The following EXOC2 variants were observed in gnomAD, a reference collection of about 807,000 sequenced individuals.
EXOC2 encodes SEC5-like 1.
A neutral mutation model predicts 131.8 loss-of-function variants in EXOC2; 70 were observed. That is an observed-to-expected ratio of 0.53 (90% CI 0.44 to 0.65). The LOEUF (loss-of-function observed/expected upper bound fraction) is 0.65. Among genes scored for constraint, EXOC2 ranks in the 30% least tolerant of loss-of-function variants. The pLI, the probability that EXOC2 is intolerant of heterozygous loss-of-function variation, is 0.00. For synonymous variants in EXOC2, 411 were observed against 398.4 expected (o/e 1.03, Z -0.38); for missense variants, 923 against 1,108.6 (o/e 0.83, Z 2.38).
chr6:668,609 T>C (rs1763720158), intron 1 of EXOC2, among the ~76,000 whole-genome samples: 1 of 152,166 alleles, frequency 6.6e-6, no homozygotes, highest in Admixed American at 6.5e-5. Flanking sequence ...CAGCCCCAGG[T>C]TGGATTAATC....
At chr6:486,949 G>A (rs1763102763) in intron 27 of EXOC2, among the ~76,000 whole-genome samples, 185 bp from the exon 28 acceptor site, 1 of 152,008 alleles carries the variant, frequency 6.6e-6, no homozygotes. Context: ...GATCAAATAG[G>A]ATATACTGAT....
rs947055958 is a variant in EXOC2, at chr6:499,504, G to A, written c.2436+141C>T. The A allele has an allele frequency of 8.3e-5, 53 of 635,268 alleles. 1 individual carries two copies. In the African/African-American group the frequency reaches 9.6e-4, roughly 11 times the overall value. The allele number at this position is 635,268 out of a possible 1,614,324, so 39.4% of individuals were successfully genotyped here. On this transcript the variant is annotated intron_variant, in intron 24 of 27. Transcript: ENST00000230449. The stretch of plus-strand genomic sequence containing the variant: ...AGAGAGAGACAGACAGTGCGAGCAA[G>A]AGCTGAACTGTATCTTATTTATACC...
At chr6:603,284 T>C (rs1760202353) in intron 7 of EXOC2, among the ~76,000 whole-genome samples, 2 of 152,172 alleles carry the variant, frequency 1.3e-5, no homozygotes. Context: ...AACCCTAAAA[T>C]GTACAAATTC....
At chr6:495,593 A>G (rs1763682700) in intron 25 of EXOC2, among the ~76,000 whole-genome samples, 1 of 152,202 alleles carries the variant, frequency 6.6e-6, no homozygotes, top group Non-Finnish European at 1.5e-5. Context: ...GTGTATGTTT[A>G]GCTTGAGAAG....
In EXOC2 at chr6:537,058, A is replaced by AG. The variant is rs144434935; in HGVS notation, c.2239-4449dup. On this transcript the variant is annotated intron_variant, in intron 22 of 27. Coordinates refer to ENST00000230449, the MANE Select transcript of EXOC2 (RefSeq NM_018303.6). ...AGAAAAGGTGCTTAACATCATTGTT[A>AG]GGGAAAACCAAATAAAGCAACAATG... 4.2e-3 allele frequency among the ~76,000 whole-genome samples: 646 copies of AG among 152,316 alleles called. 5 individuals are homozygous for AG. The highest frequency in any genetic ancestry group is 6.8e-3 in the Non-Finnish European group (463 of 67,996).
Position 564,100 on chromosome 6 carries a change from A to C in EXOC2, c.1722T>G (p.Thr574=), listed in dbSNP as rs1469666799. 1.2e-6 allele frequency: 2 copies of C among 1,614,046 alleles called. No individual in the cohort carries two copies. The highest frequency in any genetic ancestry group is 1.7e-5 in the Admixed American group (1 of 59,988). The change falls in exon 16 of 28, where the codon ACT becomes ACG. Residue 574 remains threonine, a synonymous_variant. Coordinates refer to ENST00000230449, the MANE Select transcript of EXOC2 (RefSeq NM_018303.6). ...GGAGATCCAAGATGAGATCCTGGAT[A>C]GTCTGTAACAGGTCATTAGGAATTT... ...ALEIPNDLLQ[T]IQDLILDLRV...
chr6:530,411 G>A (rs1002948211), intron 23 of EXOC2, among the ~76,000 whole-genome samples: 3 of 152,168 alleles, frequency 2.0e-5, no homozygotes, highest in African/African-American at 2.4e-5. Flanking sequence ...CCCAAATGAC[G>A]GCCTTGTGCT....
At chr6:555,158 C>A (rs1757352820) in intron 20 of EXOC2, 69 bp downstream of exon 20, 3 of 868,612 alleles carry the variant, frequency 3.5e-6, no homozygotes, top group East Asian at 5.6e-5. Context: ...TAAGACCAAG[C>A]ATAAAACTTG....
intron 7 of EXOC2, among the ~76,000 whole-genome samples, chr6:608,396 A>G (rs1474695): frequency 0.089 from 13,589 of 152,268 alleles, 1,033 homozygotes; most frequent in African/African-American, 0.21. Flanking sequence ...AAATGTTTCT[A>G]GAAAAGGGGG....
At chr6:638,389 G>C (rs1399060424) in intron 1 of EXOC2, among the ~76,000 whole-genome samples, 1 of 152,140 alleles carries the variant, frequency 6.6e-6, no homozygotes, top group Non-Finnish European at 1.5e-5. Flanking sequence ...CTAGAACGTA[G>C]ATACAGGCAG....
chr6:687,271 T>C (rs749334667), intron 1 of EXOC2, among the ~76,000 whole-genome samples: 4 of 137,310 alleles, frequency 2.9e-5, no homozygotes, highest in African/African-American at 8.0e-5. Flanking sequence ...CCTCAGGTGA[T>C]CCAGGCTCAA....
intron 10 of EXOC2, among the ~76,000 whole-genome samples, chr6:594,383 G>A (rs539161014): frequency 2.6e-5 from 4 of 152,156 alleles, no homozygotes; most frequent in African/African-American, 4.8e-5. Flanking sequence ...GCATTTCAGC[G>A]TTCTCCCTAA....
At chr6:685,392 C>T (rs1243360066) in intron 1 of EXOC2, among the ~76,000 whole-genome samples, 1 of 152,224 alleles carries the variant, frequency 6.6e-6, no homozygotes, top group African/African-American at 2.4e-5. Context: ...CCAAATCTTT[C>T]TAGAGTCAGG....
chr6:545,832 G>A (rs1439396364), intron 22 of EXOC2, among the ~76,000 whole-genome samples: 1 of 152,104 alleles, frequency 6.6e-6, no homozygotes, highest in Non-Finnish European at 1.5e-5. Flanking sequence ...TATGGGAGAG[G>A]TTAAAAATAC....
chr6:659,808 G>A (rs1763331021), intron 1 of EXOC2, among the ~76,000 whole-genome samples: 1 of 152,198 alleles, frequency 6.6e-6, no homozygotes, highest in African/African-American at 2.4e-5. Flanking sequence ...CAGGGAGAAG[G>A]AAATCTCTAA....
chr6:598,617 G>A (rs577423776), intron 9 of EXOC2, among the ~76,000 whole-genome samples: 19 of 152,294 alleles, frequency 1.2e-4, no homozygotes, highest in South Asian at 1.0e-3. Context: ...TTCTAACAGC[G>A]TGATGGTTAA....
chr6:495,522 C>T (rs1005403511), intron 25 of EXOC2, among the ~76,000 whole-genome samples: 5 of 152,102 alleles, frequency 3.3e-5, no homozygotes, highest in East Asian at 1.9e-4. Context: ...ACTGAAAATA[C>T]GTTTTCAGTT....
Position 601,245 on chromosome 6 carries a change from C to T in EXOC2, c.743-2020G>A, listed in dbSNP as rs115902592. Among the ~76,000 whole-genome samples, 1,390 of 142,422 alleles carry T rather than the reference C, an allele frequency of 9.8e-3. 33 individuals carry two copies. The highest frequency in any genetic ancestry group is 0.028 in the African/African-American group (1,033 of 36,980). The allele number at this position is 142,422 out of a possible 152,430, so 93.4% of individuals were successfully genotyped here. A position where few individuals can be genotyped will look rare whatever the true frequency, so the allele number is the denominator to read the frequency against. On this transcript the variant is annotated intron_variant, in intron 7 of 27. Coordinates refer to ENST00000230449, the MANE Select transcript of EXOC2 (RefSeq NM_018303.6). ...TCTCACACCAAGAACACCCCGTGTA[C>T]GAATCCACACACATTCTCACACCAA...
intron 22 of EXOC2, among the ~76,000 whole-genome samples, chr6:543,169 G>A (rs1211294408): frequency 3.9e-5 from 6 of 152,198 alleles, no homozygotes; most frequent in African/African-American, 1.4e-4. Flanking sequence ...GGGTTGAGTT[G>A]AGAAGAAAGA....
Sources: gnomAD v4.1 joint callset for allele counts (sites outside exome capture counted in the v4.1 genomes callset) on GRCh38, gnomAD v4.1.1 for gene constraint, MANE v1.5 for transcripts, NCBI Gene and HGNC (gene_info 2026-07-23, HGNC 2026-07-21) for gene names.